Variants in SRGAP1 observed in about 807,000 individuals in gnomAD.
The protein encoded by SRGAP1 is SLIT-ROBO Rho GTPase-activating protein 1.
A neutral mutation model predicts 121.9 loss-of-function variants in SRGAP1; 43 were observed. That is an observed-to-expected ratio of 0.35 (90% CI 0.28 to 0.46). The LOEUF is 0.46. Ranked by LOEUF, SRGAP1 falls within the 20% of genes least tolerant of loss-of-function variation. SRGAP1 has a pLI of 1.00. For synonymous variants in SRGAP1, 447 were observed against 485.4 expected, an observed-to-expected ratio of 0.92 and a Z score of 1.04; for missense variants, 1,102 against 1,350.9, an observed-to-expected ratio of 0.82 and a Z score of 2.89.
intron 8 of SRGAP1, among the ~76,000 whole-genome samples, chr12:64,068,966 T>C (rs7301206): frequency 0.15 from 22,535 of 149,680 alleles, 2,124 homozygotes; most frequent in South Asian, 0.32. Flanking sequence ...GCCGAGATCA[T>C]GCCACTGCAC....
chr12:64,080,264 A>G (rs546077395), intron 9 of SRGAP1, 22 bp from the exon 10 acceptor site: 1 of 1,582,808 alleles, frequency 6.3e-7, no homozygotes, highest in Non-Finnish European at 8.6e-7. Flanking sequence ...AAAGATTTAA[A>G]AATTATTCTT....
intron 12 of SRGAP1, among the ~76,000 whole-genome samples, chr12:64,093,853 T>C (rs1425945083): frequency 6.6e-6 from 1 of 152,204 alleles, no homozygotes. Context: ...TTAAGAAGTA[T>C]AATACCCATT....
Position 64,156,199 on chromosome 12 carries a change from A to T in SRGAP1, c.*13527A>T, listed in dbSNP as rs928723867. The stretch of plus-strand genomic sequence containing the variant: ...ATTGCTCCACACACTTGAAATATAA[A>T]TTTTTAAAGACATTTTATTCTTTTT... On this transcript the variant is annotated 3_prime_UTR_variant, in exon 22 of 22. Transcript: ENST00000355086. 1.3e-5 allele frequency: 2 copies of T among 152,172 alleles called. No homozygotes were observed. The highest frequency in any genetic ancestry group is 2.4e-5 in the African/African-American group (1 of 41,436). 9.4% of individuals were successfully genotyped at this position (152,172 alleles called of 1,614,324 possible). A position where few individuals can be genotyped will look rare whatever the true frequency, so the allele number is the denominator to read the frequency against.
chr12:64,161,683 C>A lies in SRGAP1; in HGVS notation c.*19011C>A, dbSNP rs759431742. 6.6e-6 allele frequency: 1 copy of A among 152,158 alleles called. No homozygotes were observed. Among genetic ancestry groups the A allele is most frequent in the Non-Finnish European group, 1.5e-5 (1 of 68,026 alleles). The allele number at this position is 152,158 out of a possible 1,614,324, so 9.4% of individuals were successfully genotyped here. On this transcript the variant is annotated 3_prime_UTR_variant, in exon 22 of 22. Coordinates refer to ENST00000355086, the MANE Select transcript of SRGAP1 (RefSeq NM_020762.4). ...GCTTTGCTTTCGTTTATGTTACAGG[C>A]TTTCCTAAAATTCCTGGTGATCCTT...
chr12:63,943,026 G>T (rs1592966596), intron 1 of SRGAP1, among the ~76,000 whole-genome samples: 1 of 152,198 alleles, frequency 6.6e-6, no homozygotes, highest in East Asian at 1.9e-4. Context: ...TCCCAAGTTC[G>T]TATGTTTCTC....
At position 64,095,005 on chromosome 12, in the gene SRGAP1, C is replaced by T; in HGVS notation, c.1600+13C>T. ...ATCAATCTCTATGGTAAGCCATAAACTACAGAATTCTTATTTTTTAAAAAA... is the reference window on the plus strand; with the variant it reads ...ATCAATCTCTATGGTAAGCCATAAATTACAGAATTCTTATTTTTTAAAAAA... On this transcript the variant is annotated intron_variant, in intron 13 of 21. Transcript: ENST00000355086. The T allele has an allele frequency of 1.2e-6, 2 of 1,613,428 alleles. No individual in the cohort carries two copies. The highest frequency in any genetic ancestry group is 2.2e-5 in the East Asian group (1 of 44,862).
intron 6 of SRGAP1, among the ~76,000 whole-genome samples, chr12:64,059,899 G>A (rs539817290): frequency 6.6e-6 from 1 of 152,164 alleles, no homozygotes; most frequent in South Asian, 2.1e-4. Context: ...GCTTGTATTT[G>A]TAATTATGGT....
At chr12:63,909,611 A>G (rs1474658448) in intron 1 of SRGAP1, among the ~76,000 whole-genome samples, 1 of 152,184 alleles carries the variant, frequency 6.6e-6, no homozygotes, top group African/African-American at 2.4e-5. Context: ...CTGCTGTCGT[A>G]TTTATACTAT....
chr12:64,067,240 T>C (rs1237446769), intron 8 of SRGAP1, among the ~76,000 whole-genome samples: 2 of 152,156 alleles, frequency 1.3e-5, no homozygotes, highest in Non-Finnish European at 2.9e-5. Context: ...CACAGTGTCC[T>C]TATAAACTTA....
At chr12:64,040,092 G>A (rs938839726) in intron 4 of SRGAP1, among the ~76,000 whole-genome samples, 6 of 152,018 alleles carry the variant, frequency 3.9e-5, no homozygotes, top group Non-Finnish European at 7.4e-5. Flanking sequence ...AAGGTTCTTC[G>A]TTAACCCCAT....
At chr12:64,052,019 A>G (rs1339497212) in intron 6 of SRGAP1, among the ~76,000 whole-genome samples, 2 of 152,196 alleles carry the variant, frequency 1.3e-5, no homozygotes, top group African/African-American at 4.8e-5. Context: ...CCAAGTTAAA[A>G]ATATTAGATA....
Position 64,080,147 on chromosome 12 carries a change from G to T in SRGAP1, c.1324-139G>T, listed in dbSNP as rs1187112226. 3 of 610,662 alleles carry T rather than the reference G, an allele frequency of 4.9e-6. No individual in the cohort carries two copies. The East Asian group carries it at 9.3e-5, about 19-fold the overall frequency. 37.8% of individuals were successfully genotyped at this position (610,662 alleles called of 1,614,324 possible). On this transcript the variant is annotated intron_variant, in intron 9 of 21. Coordinates refer to ENST00000355086, the MANE Select transcript of SRGAP1 (RefSeq NM_020762.4). ...AATCCCAGCTACTCAGGAGGCTGAG[G>T]CAGGAGAATCGCTTGAACCCCAGAG...
chr12:63,958,368 C>T (rs1230479106), intron 1 of SRGAP1, among the ~76,000 whole-genome samples: 1 of 152,122 alleles, frequency 6.6e-6, no homozygotes, highest in African/African-American at 2.4e-5. Context: ...TTCTCACTCC[C>T]CAGAAGATGG....
chr12:64,082,888 G>T (rs940278856), intron 10 of SRGAP1, among the ~76,000 whole-genome samples: 1 of 152,184 alleles, frequency 6.6e-6, no homozygotes, highest in African/African-American at 2.4e-5. Flanking sequence ...TCAGCAGCAG[G>T]CACACTAGCC....
chr12:64,040,238 C>T (rs1410134082), intron 4 of SRGAP1, among the ~76,000 whole-genome samples: 1 of 152,080 alleles, frequency 6.6e-6, no homozygotes, highest in Non-Finnish European at 1.5e-5. Context: ...ATATTTGTTC[C>T]AGTGATGCTT....
intron 12 of SRGAP1, among the ~76,000 whole-genome samples, chr12:64,092,196 G>A (rs533234650): frequency 1.2e-4 from 18 of 152,116 alleles, no homozygotes; most frequent in Non-Finnish European, 2.4e-4. Flanking sequence ...GAAAGTCAAT[G>A]TTAAATACCA....
intron 1 of SRGAP1, among the ~76,000 whole-genome samples, chr12:63,944,762 A>G (rs1399442444): frequency 1.3e-5 from 2 of 152,340 alleles, no homozygotes; most frequent in East Asian, 1.9e-4. Flanking sequence ...AAAGTATTCC[A>G]TCACTCCCAT....
intron 1 of SRGAP1, among the ~76,000 whole-genome samples, chr12:63,909,339 A>G (rs1357417592): frequency 1.3e-5 from 2 of 152,184 alleles, no homozygotes; most frequent in Non-Finnish European, 2.9e-5. Context: ...TGCAGATATG[A>G]CTGTTTCCAC....
At chr12:63,930,328 TAAAAA>T (rs755253203) in intron 1 of SRGAP1, among the ~76,000 whole-genome samples, 2 of 60,056 alleles carry the variant, frequency 3.3e-5, no homozygotes, top group Non-Finnish European at 6.6e-5. Flanking sequence ...TCGTCTCTAC[TAAAAA>T]AAAAAAAAAA....
Sources: gnomAD v4.1 joint callset for allele counts (sites outside exome capture counted in the v4.1 genomes callset) on GRCh38, gnomAD v4.1.1 for gene constraint, MANE v1.5 for transcripts, NCBI Gene and HGNC (gene_info 2026-07-23, HGNC 2026-07-21) for gene names.